The following PCDH15 variants were observed in gnomAD, a reference collection of about 807,000 sequenced individuals.
PCDH15 encodes the protein protocadherin-15.
Under a neutral mutation model 178.5 loss-of-function variants are expected in PCDH15, and 129 were observed. The ratio of observed to expected loss-of-function variants is 0.72; its 90% CI spans 0.63 to 0.84. The LOEUF (loss-of-function observed/expected upper bound fraction) is 0.84. Among genes scored for constraint, PCDH15 ranks in the 40% least tolerant of loss-of-function variants. The pLI, the probability that PCDH15 is intolerant of heterozygous loss-of-function variation, is 0.00. For synonymous variants in PCDH15, 800 were observed against 732.0 expected (o/e 1.09, Z -1.50); for missense variants, 2,230 against 2,099.9 (o/e 1.06, Z -1.21).
intron 2 of PCDH15, among the ~76,000 whole-genome samples, chr10:55,593,660 A>G (rs1842887253): frequency 6.6e-6 from 1 of 151,880 alleles, no homozygotes; most frequent in Admixed American, 6.6e-5. Flanking sequence ...GTATAGAAGT[A>G]TTGTGTGATG....
chr10:54,506,027 G>T (rs996923839), intron 3 of PCDH15, among the ~76,000 whole-genome samples: 2 of 151,944 alleles, frequency 1.3e-5, no homozygotes, highest in Admixed American at 1.3e-4. Flanking sequence ...TCTGGAATTC[G>T]GTATTAAAGT....
At chr10:54,495,960 A>C (rs74382081) in intron 3 of PCDH15, among the ~76,000 whole-genome samples, 2,077 of 152,244 alleles carry the variant, frequency 0.014, 35 homozygotes, top group African/African-American at 0.048. Flanking sequence ...TAAGAATAGG[A>C]CTCTGTTTCA....
intron 8 of PCDH15, among the ~76,000 whole-genome samples, chr10:54,269,226 C>T (rs1199327350): frequency 2.0e-5 from 3 of 151,872 alleles, no homozygotes; most frequent in Non-Finnish European, 2.9e-5. Flanking sequence ...AGAAAACAAA[C>T]CAATAGGTGT....
chr10:55,530,257 C>A (rs1841419651), intron 2 of PCDH15, among the ~76,000 whole-genome samples: 1 of 151,930 alleles, frequency 6.6e-6, no homozygotes, highest in South Asian at 2.1e-4. Context: ...ACCCTCATCC[C>A]TATACAATTC....
chr10:54,131,059 A>C (rs571492877), intron 15 of PCDH15, among the ~76,000 whole-genome samples: 2 of 152,298 alleles, frequency 1.3e-5, no homozygotes, highest in African/African-American at 4.8e-5. Flanking sequence ...TAGAAATGTC[A>C]TTTCAAGTAT....
intron 3 of PCDH15, among the ~76,000 whole-genome samples, chr10:54,420,629 G>A (rs530060060): frequency 1.2e-4 from 18 of 152,092 alleles, no homozygotes; most frequent in African/African-American, 4.1e-4. Flanking sequence ...AGATCCCTTT[G>A]ATTACTCTGG....
intron 1 of PCDH15, among the ~76,000 whole-genome samples, chr10:54,759,273 A>G (rs1352215537): frequency 2.6e-5 from 4 of 152,188 alleles, no homozygotes; most frequent in Admixed American, 6.5e-5. Context: ...CAAACACCTA[A>G]ATTTTCCTTT....
intron 2 of PCDH15, among the ~76,000 whole-genome samples, chr10:55,129,369 A>C (rs2132075804): frequency 6.6e-6 from 1 of 152,244 alleles, no homozygotes; most frequent in South Asian, 2.1e-4. Flanking sequence ...AGAACTGTGA[A>C]AGGCAGTAAA....
At chr10:54,381,093 T>C (rs1025898681) in intron 3 of PCDH15, among the ~76,000 whole-genome samples, 3 of 151,746 alleles carry the variant, frequency 2.0e-5, no homozygotes, top group Non-Finnish European at 2.9e-5. Context: ...AATTTTCATA[T>C]ACAAGCTTGC....
intron 23 of PCDH15, among the ~76,000 whole-genome samples, chr10:53,958,418 T>C (rs1254259782): frequency 4.6e-5 from 7 of 152,196 alleles, no homozygotes; most frequent in South Asian, 2.1e-4. Context: ...ACTGTGTTAA[T>C]CATGTTCAAA....
At chr10:54,560,413 A>G (rs1419048613) in intron 2 of PCDH15, among the ~76,000 whole-genome samples, 1 of 152,136 alleles carries the variant, frequency 6.6e-6, no homozygotes, top group Non-Finnish European at 1.5e-5. Context: ...GTTGCAATAT[A>G]TCAAATTATT....
chr10:53,958,978 C>CA (rs71004497), intron 23 of PCDH15, among the ~76,000 whole-genome samples: 1,532 of 45,798 alleles, frequency 0.033, 189 homozygotes, highest in South Asian at 0.082. Flanking sequence ...GACTCCATCT[C>CA]AAAAAAAAAA....
chr10:55,299,580 T>C (rs1273088867), intron 1 of PCDH15, among the ~76,000 whole-genome samples: 1 of 152,188 alleles, frequency 6.6e-6, no homozygotes, highest in East Asian at 1.9e-4. Context: ...GCAAAATCTT[T>C]ATCTGGCAAT....
At chr10:54,021,232 G>A (rs1216815838) in intron 19 of PCDH15, among the ~76,000 whole-genome samples, 1 of 151,988 alleles carries the variant, frequency 6.6e-6, no homozygotes, top group East Asian at 1.9e-4. Flanking sequence ...AGTACAGACT[G>A]GCAAATGCAC....
chr10:54,925,136 G>A (rs1837584716), intron 2 of PCDH15, among the ~76,000 whole-genome samples: 1 of 152,164 alleles, frequency 6.6e-6, no homozygotes, highest in South Asian at 2.1e-4. Context: ...TGTAAGGAAG[G>A]AGTCCAGGTT....
intron 3 of PCDH15, among the ~76,000 whole-genome samples, chr10:54,421,660 G>GTATATATA (rs1341426935): frequency 2.4e-5 from 2 of 84,076 alleles, no homozygotes; most frequent in African/African-American, 1.0e-4. Flanking sequence ...TACATGTGTA[G>GTATATATA]TGTATATATA....
intron 11 of PCDH15, among the ~76,000 whole-genome samples, chr10:54,189,189 T>A (rs938135053): frequency 2.6e-5 from 4 of 151,984 alleles, no homozygotes; most frequent in Non-Finnish European, 5.9e-5. Flanking sequence ...AAAATATTTT[T>A]AAATTTTAAA....
intron 2 of PCDH15, among the ~76,000 whole-genome samples, chr10:55,024,128 T>C (rs945076625): frequency 6.9e-6 from 1 of 145,532 alleles, no homozygotes; most frequent in Non-Finnish European, 1.5e-5. Flanking sequence ...AAGGAATATA[T>C]ATATATATAT....
At chr10:55,305,322 GA>G (rs1214160621) in intron 1 of PCDH15, among the ~76,000 whole-genome samples, 1 of 152,212 alleles carries the variant, frequency 6.6e-6, no homozygotes, top group East Asian at 1.9e-4. Flanking sequence ...CCAAGCATAT[GA>G]ATTTGAAAGG....
Sources: gnomAD v4.1 joint callset for allele counts (sites outside exome capture counted in the v4.1 genomes callset) on GRCh38, gnomAD v4.1.1 for gene constraint, MANE v1.5 for transcripts, NCBI Gene and HGNC (gene_info 2026-07-23, HGNC 2026-07-21) for gene names.